Variants in RUNX1 observed in about 807,000 individuals in gnomAD.
The protein encoded by RUNX1 is RUNX family transcription factor 1.
In RUNX1, 19 loss-of-function variants were observed where a neutral mutation model predicts 42.8. The ratio of observed to expected loss-of-function variants is 0.44; its 90% CI spans 0.31 to 0.65. The LOEUF (loss-of-function observed/expected upper bound fraction) is 0.65. RUNX1 is among the 30% of genes least tolerant of loss of function. The pLI, the probability that RUNX1 is intolerant of heterozygous loss-of-function variation, is 0.07. For synonymous variants in RUNX1, 271 were observed against 289.4 expected (o/e 0.94, Z 0.64); for missense variants, 528 against 672.0 (o/e 0.79, Z 2.37).
At chr21:34,820,532 G>A (rs546929354) in intron 7 of RUNX1, among the ~76,000 whole-genome samples, 4 of 151,916 alleles carry the variant, frequency 2.6e-5, no homozygotes, top group African/African-American at 9.7e-5. Context: ...GGCAGACTCT[G>A]TAATCCCGAC....
At chr21:34,800,027 G>A (rs1285450898) in intron 7 of RUNX1, among the ~76,000 whole-genome samples, 4 of 152,146 alleles carry the variant, frequency 2.6e-5, no homozygotes, top group Admixed American at 6.5e-5. Context: ...GTCTGGCTGG[G>A]AAACCGGCAA....
Position 34,901,779 on chromosome 21 carries a change from G to A in RUNX1, c.59-8816C>T, listed in dbSNP as rs1184148029. On this transcript the variant is annotated intron_variant, in intron 2 of 8. Coordinates refer to ENST00000675419, the MANE Select transcript of RUNX1 (RefSeq NM_001754.5). The surrounding 1 kb of genome is among the most constrained non-coding windows in gnomAD (Gnocchi z 4.3). ...GTGATATCCTTCAGCTAAGCATTGT[G>A]AGAAAGTATCCAAGTGGAGCATCTG... 6.6e-6 allele frequency among the ~76,000 whole-genome samples: 1 copy of A among 152,178 alleles called. No individual in the cohort carries two copies.
At chr21:34,930,285 TATATATAA>T (rs2058432136) in intron 2 of RUNX1, among the ~76,000 whole-genome samples, 1 of 137,114 alleles carries the variant, frequency 7.3e-6, no homozygotes, top group African/African-American at 3.0e-5. Flanking sequence ...TATATATATA[TATATATAA>T]ATAAATAAAT....
intron 5 of RUNX1, among the ~76,000 whole-genome samples, chr21:34,872,798 C>G (rs1407668111): frequency 6.6e-6 from 1 of 152,150 alleles, no homozygotes; most frequent in Non-Finnish European, 1.5e-5. Flanking sequence ...CCTCTACTTA[C>G]TAGATGCCAC....
At chr21:34,857,688 CCAGCCAGGCCCCTTGCCAT>C (rs926403507) in intron 6 of RUNX1, among the ~76,000 whole-genome samples, 30 of 152,290 alleles carry the variant, frequency 2.0e-4, no homozygotes, top group African/African-American at 7.0e-4. Context: ...TGCCTCCCTC[CCAGCCAGGCCCCTTGCCAT>C]AATTCAAGCC....
chr21:34,929,058 C>T (rs1378801365), intron 2 of RUNX1, among the ~76,000 whole-genome samples: 1 of 152,020 alleles, frequency 6.6e-6, no homozygotes, highest in African/African-American at 2.4e-5. Context: ...CTAGGCATGT[C>T]CTCTTTATCT....
At chr21:35,041,170 C>T (rs187666561) in intron 2 of RUNX1, among the ~76,000 whole-genome samples, 18 of 152,294 alleles carry the variant, frequency 1.2e-4, no homozygotes, top group Non-Finnish European at 1.6e-4. Context: ...GGTATTCTAA[C>T]GCCCAGAAGT....
intron 2 of RUNX1, among the ~76,000 whole-genome samples, chr21:34,928,963 G>GT (rs994592290): frequency 2.7e-4 from 12 of 45,060 alleles, no homozygotes; most frequent in Admixed American, 5.5e-4. Flanking sequence ...ATTTTTTTTG[G>GT]GGGGGGGGGT....
chr21:34,996,421 G>A (rs1176951798), intron 2 of RUNX1, among the ~76,000 whole-genome samples: 1 of 152,110 alleles, frequency 6.6e-6, no homozygotes, highest in Non-Finnish European at 1.5e-5. Flanking sequence ...TCAGAAGAGA[G>A]CAGGCTGCAG....
intron 2 of RUNX1, among the ~76,000 whole-genome samples, chr21:34,913,593 C>A (rs2058289567): frequency 6.6e-6 from 1 of 152,180 alleles, no homozygotes; most frequent in Admixed American, 6.5e-5. Flanking sequence ...TCAGTTGAGA[C>A]AGGGCAGAAT....
chr21:35,042,700 T>C (rs1203713682), intron 2 of RUNX1, among the ~76,000 whole-genome samples: 1 of 152,198 alleles, frequency 6.6e-6, no homozygotes, highest in African/African-American at 2.4e-5. Context: ...GGCCTCAGCA[T>C]GGTGGGACCA....
intron 2 of RUNX1, among the ~76,000 whole-genome samples, chr21:34,979,251 C>A (rs527275912): frequency 6.6e-6 from 1 of 152,256 alleles, no homozygotes; most frequent in South Asian, 2.1e-4. Context: ...TAGATATATG[C>A]TCCAAGATAT....
At chr21:34,801,489 T>C (rs1382458430) in intron 7 of RUNX1, among the ~76,000 whole-genome samples, 1 of 152,250 alleles carries the variant, frequency 6.6e-6, no homozygotes, top group Non-Finnish European at 1.5e-5. Context: ...AAAATGATCT[T>C]TATGATTAAA....
intron 7 of RUNX1, among the ~76,000 whole-genome samples, chr21:34,820,706 G>A (rs1274269390): frequency 6.6e-6 from 1 of 151,916 alleles, no homozygotes; most frequent in African/African-American, 2.4e-5. Context: ...TGGAGACTCA[G>A]AAGCAGCACA....
intron 7 of RUNX1, chr21:34,821,653 G>T: frequency 6.4e-7 from 1 of 1,568,524 alleles, no homozygotes; most frequent in Non-Finnish European, 8.7e-7. Flanking sequence ...ATGGACAGAA[G>T]AACTGACTTC....
chr21:34,946,023 G>A (rs546309877), intron 2 of RUNX1, among the ~76,000 whole-genome samples: 1 of 152,234 alleles, frequency 6.6e-6, no homozygotes, highest in Non-Finnish European at 1.5e-5. Context: ...CTCCTAGAGG[G>A]TTCTCCCTCT....
chr21:34,916,314 C>T (rs919027080), intron 2 of RUNX1, among the ~76,000 whole-genome samples: 1 of 152,162 alleles, frequency 6.6e-6, no homozygotes, highest in African/African-American at 2.4e-5. Flanking sequence ...TGGAAGAAAG[C>T]AACAAACATG....
intron 6 of RUNX1, chr21:34,856,329 G>A (rs943205133): frequency 2.3e-5 from 12 of 518,484 alleles, no homozygotes; most frequent in Non-Finnish European, 3.5e-5. Context: ...CCTGCAATGA[G>A]GCACTACCAT....
At chr21:35,026,046 C>A (rs139667551) in intron 2 of RUNX1, among the ~76,000 whole-genome samples, 1 of 152,248 alleles carries the variant, frequency 6.6e-6, no homozygotes, top group African/African-American at 2.4e-5. Flanking sequence ...TGCACCGTGG[C>A]ACAGGGGTCT....
Sources: gnomAD v4.1 joint callset for allele counts (sites outside exome capture counted in the v4.1 genomes callset) on GRCh38, gnomAD v4.1.1 for gene constraint, Gnocchi (gnomAD v3.1) non-coding constraint, MANE v1.5 for transcripts, NCBI Gene and HGNC (gene_info 2026-07-23, HGNC 2026-07-21) for gene names.